CLVS1: variants seen among roughly 807,000 people sequenced by gnomAD.
CLVS1 encodes clavesin-1.
A neutral mutation model predicts 33.1 loss-of-function variants in CLVS1; 10 were observed. The observed-to-expected ratio is 0.30, with a 90% confidence interval of 0.19 to 0.51. The LOEUF is 0.51. Ranked by LOEUF, CLVS1 falls within the 20% of genes least tolerant of loss-of-function variation. The pLI, the probability that CLVS1 is intolerant of heterozygous loss-of-function variation, is 0.97. For missense variants in CLVS1, 343 were observed against 433.4 expected (o/e 0.79, Z 1.85); for synonymous variants, 163 against 166.1 (o/e 0.98, Z 0.14).
intron 2 of CLVS1, among the ~76,000 whole-genome samples, chr8:61,312,817 T>C (rs1810877744): frequency 6.6e-6 from 1 of 152,196 alleles, no homozygotes; most frequent in South Asian, 2.1e-4. Flanking sequence ...TTCTTCATGC[T>C]GCCTAATTAT....
chr8:61,277,084 G>A (rs1298045847), intron 2 of CLVS1, among the ~76,000 whole-genome samples: 2 of 152,160 alleles, frequency 1.3e-5, no homozygotes, highest in Non-Finnish European at 2.9e-5. Flanking sequence ...TTGGAGTCAA[G>A]TCTTGCTGAC....
chr8:61,260,143 T>C (rs1809169423), intron 2 of CLVS1, among the ~76,000 whole-genome samples: 1 of 152,240 alleles, frequency 6.6e-6, no homozygotes, highest in Admixed American at 6.5e-5. Context: ...TATTACTCTA[T>C]TCTGGTTCCT....
intron 3 of CLVS1, among the ~76,000 whole-genome samples, chr8:61,446,352 C>T (rs1296959667): frequency 1.3e-5 from 2 of 152,054 alleles, no homozygotes. Context: ...TTGATATGTC[C>T]TATGTCTTGA....
chr8:61,192,968 C>T (rs1193220747), intron 2 of CLVS1, among the ~76,000 whole-genome samples: 1 of 152,162 alleles, frequency 6.6e-6, no homozygotes, highest in African/African-American at 2.4e-5. Context: ...GTGGCAATTC[C>T]TCAAGGATCT....
intron 1 of CLVS1, among the ~76,000 whole-genome samples, chr8:61,098,776 C>T (rs887193624): frequency 6.6e-6 from 1 of 152,150 alleles, no homozygotes; most frequent in Non-Finnish European, 1.5e-5. Context: ...TCTGAACCTT[C>T]CTTCCTCCTA....
At position 61,389,428 on chromosome 8, in the gene CLVS1, C is replaced by T. The variant is rs372066484; in HGVS notation, c.630+12649C>T. Among the ~76,000 whole-genome samples the T allele has an allele frequency of 2.0e-4, 31 of 152,178 alleles. No homozygotes were observed. The South Asian group carries it at 6.2e-3, about 31-fold the overall frequency. On this transcript the variant is annotated intron_variant, in intron 3 of 5. Coordinates refer to ENST00000325897, the MANE Select transcript of CLVS1 (RefSeq NM_173519.3). The stretch of plus-strand genomic sequence containing the variant: ...TGGTGGCACATGCCTGTAGTCCCAG[C>T]TACTCGGCAGGCTGAGGCAGGAGGC...
intron 1 of CLVS1, among the ~76,000 whole-genome samples, chr8:61,096,035 G>A (rs529581041): frequency 1.3e-4 from 20 of 152,296 alleles, no homozygotes; most frequent in African/African-American, 4.8e-4. Context: ...TGATCGTGCT[G>A]GCAAGTCTTG....
the CLVS1 span, among the ~76,000 whole-genome samples, chr8:61,043,575 T>C: frequency 1.3e-5 from 2 of 152,238 alleles, no homozygotes; most frequent in Non-Finnish European, 2.9e-5. Context: ...GTTATTGATC[T>C]GGCAAATGCA....
chr8:60,984,983 G>C, the CLVS1 span, among the ~76,000 whole-genome samples: 4 of 152,154 alleles, frequency 2.6e-5, no homozygotes, highest in African/African-American at 9.7e-5. Context: ...TCTCAACACA[G>C]CGCTGCCCAC....
chr8:61,432,261 C>A (rs1028376779), intron 3 of CLVS1, among the ~76,000 whole-genome samples: 1 of 152,162 alleles, frequency 6.6e-6, no homozygotes, highest in African/African-American at 2.4e-5. Context: ...GGGGTAAAAT[C>A]TTTGCTGGAT....
chr8:61,372,452 T>G (rs1813478722), intron 2 of CLVS1, among the ~76,000 whole-genome samples: 1 of 152,230 alleles, frequency 6.6e-6, no homozygotes, highest in African/African-American at 2.4e-5. Flanking sequence ...ACAATTACTG[T>G]GAAGACAGTA....
chr8:61,442,848 T>C (rs901522771), intron 3 of CLVS1, among the ~76,000 whole-genome samples: 3 of 152,150 alleles, frequency 2.0e-5, no homozygotes, highest in African/African-American at 7.2e-5. Context: ...TCCGCCCGCG[T>C]TGGCCTCCTG....
At chr8:61,100,017 GAA>G (rs986949688) in intron 1 of CLVS1, among the ~76,000 whole-genome samples, 1 of 152,136 alleles carries the variant, frequency 6.6e-6, no homozygotes, top group Admixed American at 6.5e-5. Context: ...TGAAACATGG[GAA>G]ACACCATCTT....
chr8:61,094,104 A>G (rs1359118409), intron 1 of CLVS1, among the ~76,000 whole-genome samples: 1 of 152,126 alleles, frequency 6.6e-6, no homozygotes, highest in Non-Finnish European at 1.5e-5. Flanking sequence ...TCTTCCCTTT[A>G]TTCTGAGCCC....
rs1563465132 is a variant in CLVS1 at position 61,255,788 on chromosome 8, C to CAT, written c.-151-43889_-151-43888insAT. Among the ~76,000 whole-genome samples, 37 of 151,744 alleles carry CAT rather than the reference C, an allele frequency of 2.4e-4. No individual in the cohort carries two copies. In the East Asian group the frequency reaches 7.0e-3, roughly 29 times the overall value. On this transcript the variant is annotated intron_variant, in intron 2 of 2. Coordinates refer to the CLVS1 transcript ENST00000522621. Reference sequence around the variant, plus strand: ...TTTAAAAAAACTCTGAAACTTGAACCTACTATAAGAAGTAGGCCTTACTGA... The same window carrying CAT: ...TTTAAAAAAACTCTGAAACTTGAACCATTACTATAAGAAGTAGGCCTTACTGA...
chr8:61,044,652 A>C, the CLVS1 span, among the ~76,000 whole-genome samples: 1 of 152,232 alleles, frequency 6.6e-6, no homozygotes, highest in African/African-American at 2.4e-5. Flanking sequence ...GCATATTGAC[A>C]TGAGCTGAAA....
At chr8:61,090,207 A>G (rs1490770392) in intron 1 of CLVS1, among the ~76,000 whole-genome samples, 1 of 152,224 alleles carries the variant, frequency 6.6e-6, no homozygotes, top group Non-Finnish European at 1.5e-5. Context: ...CTTGAGATTT[A>G]GAGACCTGAC....
chr8:61,141,531 A>G (rs979897652), intron 2 of CLVS1, among the ~76,000 whole-genome samples: 3 of 152,134 alleles, frequency 2.0e-5, no homozygotes, highest in Non-Finnish European at 4.4e-5. Flanking sequence ...ATGAACATTA[A>G]TTCTCTCTCT....
intron 2 of CLVS1, among the ~76,000 whole-genome samples, chr8:61,349,052 C>T (rs1399292069): frequency 6.6e-6 from 1 of 151,930 alleles, no homozygotes; most frequent in African/African-American, 2.4e-5. Flanking sequence ...GGTCCTTTGC[C>T]CATTTAATTG....
Sources: allele counts gnomAD v4.1 joint callset (sites outside exome capture counted in the v4.1 genomes callset), GRCh38; gene constraint gnomAD v4.1.1; transcripts MANE v1.5; gene names NCBI Gene and HGNC (gene_info 2026-07-23, HGNC 2026-07-21).